Variants in PARD3 observed in about 807,000 individuals in gnomAD.
PARD3 encodes the protein par-3 family cell polarity regulator.
In PARD3, 75 loss-of-function variants were observed where a neutral mutation model predicts 155.4. The ratio of observed to expected loss-of-function variants is 0.48; its 90% CI spans 0.40 to 0.58. PARD3 has a LOEUF of 0.58. PARD3 is among the 20% of genes least tolerant of loss of function. The probability of loss-of-function intolerance (pLI) is 0.00; values close to 1 mark genes in which losing one functional copy is unlikely to be tolerated. For synonymous variants in PARD3, 576 were observed against 610.5 expected (o/e 0.94, Z 0.83); for missense variants, 1,642 against 1,721.7 (o/e 0.95, Z 0.82).
chr10:34,178,293 G>GC (rs199742210), intron 22 of PARD3, among the ~76,000 whole-genome samples: 4,161 of 152,236 alleles, frequency 0.027, 82 homozygotes, highest in Non-Finnish European at 0.04. Flanking sequence ...TCCAATTTCA[G>GC]CAAGCGGAAA....
chr10:34,382,733 C>A lies in PARD3; in HGVS notation c.1206G>T (p.Val402=). The A allele has an allele frequency of 1.2e-6, 2 of 1,614,190 alleles. No individual in the cohort carries two copies. The highest frequency in any genetic ancestry group is 1.7e-6 in the Non-Finnish European group (2 of 1,180,028). The stretch of plus-strand genomic sequence containing the variant: ...GGTGGTTCAGTCGGGGTGCTCTCTG[C>A]ACCGTGTGAAGCCCTGCACTGTTCA... ...RSVNSAGLHT[V]QRAPRLNHPP... is the part of the protein sequence containing the mutation. Residue 402 remains valine (V), a synonymous_variant, in exon 9 of 25, where the codon GTG becomes GTT. Transcript: ENST00000374788.
intron 14 of PARD3, among the ~76,000 whole-genome samples, chr10:34,355,802 G>A (rs1317371288): frequency 6.6e-6 from 1 of 151,338 alleles, no homozygotes; most frequent in East Asian, 2.0e-4. Flanking sequence ...GCGCACACCT[G>A]TAATCTCAGC....
At chr10:34,682,828 T>A (rs1330517955) in intron 2 of PARD3, among the ~76,000 whole-genome samples, 1 of 152,124 alleles carries the variant, frequency 6.6e-6, no homozygotes, top group Non-Finnish European at 1.5e-5. Context: ...AGAGATTGCA[T>A]CACTGCACTC....
At chr10:34,300,395 C>T (rs1048802834) in intron 20 of PARD3, among the ~76,000 whole-genome samples, 1 of 152,192 alleles carries the variant, frequency 6.6e-6, no homozygotes, top group Non-Finnish European at 1.5e-5. Context: ...TAGCTGACAC[C>T]TGTAATCCCA....
chr10:34,165,516 A>G (rs899840705), intron 22 of PARD3, among the ~76,000 whole-genome samples: 1 of 152,198 alleles, frequency 6.6e-6, no homozygotes, highest in African/African-American at 2.4e-5. Flanking sequence ...TCGTGCCCCA[A>G]GAGGAAAAAC....
Position 34,666,816 on chromosome 10 carries a change from T to TATATATATATATAC in PARD3, c.222+29501_222+29502insGTATATATATATAT, listed in dbSNP as rs765552982. Among the ~76,000 whole-genome samples, 85 of 88,778 alleles carry TATATATATATATAC rather than the reference T, an allele frequency of 9.6e-4. 1 individual carries two copies. The highest frequency in any genetic ancestry group is 2.7e-3 in the African/African-American group (58 of 21,316). 58.2% of individuals were successfully genotyped at this position (88,778 alleles called of 152,430 possible). A position where few individuals can be genotyped will look rare whatever the true frequency, so the allele number is the denominator to read the frequency against. The stretch of plus-strand genomic sequence containing the variant: ...AAAAAAATATATATATATATATATA[T>TATATATATATATAC]ACACACACACACACACACACAAACA... On this transcript the variant is annotated intron_variant, in intron 2 of 24. Transcript: ENST00000374788.
chr10:34,392,671 T>C (rs1040147662), intron 7 of PARD3, among the ~76,000 whole-genome samples: 13 of 152,166 alleles, frequency 8.5e-5, no homozygotes, highest in Admixed American at 1.3e-4. Flanking sequence ...AATGAGAGTA[T>C]GGTAAATGGG....
chr10:34,594,909 C>T (rs1337334733), intron 2 of PARD3, among the ~76,000 whole-genome samples: 1 of 152,152 alleles, frequency 6.6e-6, no homozygotes, highest in African/African-American at 2.4e-5. Flanking sequence ...CAGTGTGGTA[C>T]ATCTTGGCCA....
intron 1 of PARD3, among the ~76,000 whole-genome samples, chr10:34,712,423 C>A (rs1223903908): frequency 6.6e-6 from 1 of 152,234 alleles, no homozygotes; most frequent in Non-Finnish European, 1.5e-5. Context: ...ATTCCTTCAC[C>A]CTCACTCTGA....
At chr10:34,521,541 G>A (rs1370743023) in intron 2 of PARD3, among the ~76,000 whole-genome samples, 1 of 152,108 alleles carries the variant, frequency 6.6e-6, no homozygotes, top group Non-Finnish European at 1.5e-5. Flanking sequence ...CATTTTGAAT[G>A]TTCATTTTTT....
At position 34,343,761 on chromosome 10, in the gene PARD3, A is replaced by G. The variant is rs74655647; in HGVS notation, c.2219-1945T>C. 9.8e-4 allele frequency: 966 copies of G among 985,022 alleles called. 24 individuals are homozygous for G. The East Asian group carries it at 0.074, about 76-fold the overall frequency. The allele number at this position is 985,022 out of a possible 1,614,324, so 61.0% of individuals were successfully genotyped here. On this transcript the variant is annotated intron_variant, in intron 15 of 24. Transcript: ENST00000374788. ...CCTTCTATGACTTGAGAAGGCTTCA[A>G]TTTATTTCTGATAGGTAAACTTTCC... is the stretch of plus-strand genomic sequence containing the variant.
At chr10:34,154,440 A>G (rs892749334) in intron 22 of PARD3, among the ~76,000 whole-genome samples, 4 of 150,920 alleles carry the variant, frequency 2.7e-5, no homozygotes, top group African/African-American at 7.2e-5. Context: ...GACTCACTTA[A>G]TGATGCCTGG....
chr10:34,394,665 A>G (rs1325256119), intron 7 of PARD3, among the ~76,000 whole-genome samples: 1 of 152,150 alleles, frequency 6.6e-6, no homozygotes, highest in Non-Finnish European at 1.5e-5. Flanking sequence ...TCCAGTCCCT[A>G]TTTTAGCACA....
In PARD3 at chr10:34,331,138, C is replaced by T. The variant is rs954687469; in HGVS notation, c.2812G>A (p.Asp938Asn). Residue 938 changes from aspartate to asparagine, a missense_variant, in exon 19 of 25, where the codon GAT becomes AAT. Asp to Asn is a conservative substitution (Grantham distance 23). Transcript: ENST00000374788. ...TTACAGGTCTCCATGCCTTCATCAT[C>T]ATCATCTACCGCGGGTTTATCATAA... ...KSYDKPAVDD[D>N]DEGMETLEED... The T allele has an allele frequency of 6.2e-7, 1 of 1,613,636 alleles. No homozygotes were observed. The highest frequency in any genetic ancestry group is 8.5e-7 in the Non-Finnish European group (1 of 1,179,616).
At chr10:34,782,072 G>A (rs141201168) in intron 1 of PARD3, among the ~76,000 whole-genome samples, 258 of 152,284 alleles carry the variant, frequency 1.7e-3, no homozygotes, top group African/African-American at 5.9e-3. Flanking sequence ...AACAGAGTAA[G>A]GAAGTGCACT....
rs765552982 is a variant in PARD3, at chr10:34,666,816, T to TATATATATATATATATATATAC, written c.222+29501_222+29502insGTATATATATATATATATATAT. ...AAAAAAATATATATATATATATATA[T>TATATATATATATATATATATAC]ACACACACACACACACACACAAACA... On this transcript the variant is annotated intron_variant, in intron 2 of 24. Transcript: ENST00000374788. Among the ~76,000 whole-genome samples, 64 of 88,778 alleles carry TATATATATATATATATATATAC rather than the reference T, an allele frequency of 7.2e-4. 1 individual carries two copies. The highest frequency in any genetic ancestry group is 7.1e-3 in the Middle Eastern group (1 of 140). The allele number at this position is 88,778 out of a possible 152,430, so 58.2% of individuals were successfully genotyped here.
At chr10:34,461,096 A>C (rs1407401433) in intron 4 of PARD3, among the ~76,000 whole-genome samples, 1 of 152,194 alleles carries the variant, frequency 6.6e-6, no homozygotes, top group East Asian at 1.9e-4. Flanking sequence ...ATTTCTCCAA[A>C]GGCAGCCCAG....
intron 1 of PARD3, among the ~76,000 whole-genome samples, chr10:34,737,105 A>G (rs1474000065): frequency 6.6e-6 from 1 of 152,226 alleles, no homozygotes; most frequent in Non-Finnish European, 1.5e-5. Context: ...AACAGAAATG[A>G]GAAAGCGGGT....
intron 5 of PARD3, among the ~76,000 whole-genome samples, chr10:34,442,128 G>C (rs770601755): frequency 6.6e-6 from 1 of 152,096 alleles, no homozygotes; most frequent in Non-Finnish European, 1.5e-5. Context: ...CCTTTCCACA[G>C]AACTTTTAGA....
Sources: gnomAD v4.1 joint callset for allele counts (sites outside exome capture counted in the v4.1 genomes callset) on GRCh38, gnomAD v4.1.1 for gene constraint, MANE v1.5 for transcripts, NCBI Gene and HGNC (gene_info 2026-07-23, HGNC 2026-07-21) for gene names.